NXN: variants seen among roughly 807,000 people sequenced by gnomAD.
NXN encodes the protein nucleoredoxin 1.
A neutral mutation model predicts 48.6 loss-of-function variants in NXN; 16 were observed. The ratio of observed to expected loss-of-function variants is 0.33; its 90% CI spans 0.22 to 0.50. NXN has a LOEUF of 0.50. Ranked by LOEUF, NXN falls within the 20% of genes least tolerant of loss-of-function variation. NXN has a pLI of 0.98. For missense variants in NXN, 492 were observed against 605.5 expected, an observed-to-expected ratio of 0.81 and a Z score of 1.97; for synonymous variants, 281 against 269.6, an observed-to-expected ratio of 1.04 and a Z score of -0.41.
At chr17:884,834 T>C (rs1007971950) in intron 1 of NXN, among the ~76,000 whole-genome samples, 3 of 152,228 alleles carry the variant, frequency 2.0e-5, no homozygotes, top group Admixed American at 2.0e-4. Flanking sequence ...ATAAAACATG[T>C]TTCTAGAATG....
intron 1 of NXN, among the ~76,000 whole-genome samples, chr17:970,108 G>A (rs1341580882): frequency 1.3e-5 from 2 of 152,108 alleles, no homozygotes; most frequent in East Asian, 1.9e-4. Context: ...AGTTATGACC[G>A]GCAAGCCGCA....
intron 5 of NXN, among the ~76,000 whole-genome samples, chr17:816,455 G>A (rs530265823): frequency 3.9e-5 from 6 of 152,038 alleles, no homozygotes; most frequent in Non-Finnish European, 5.9e-5. Context: ...CTGCACGTGC[G>A]GTTCCGTCTG....
Position 849,836 on chromosome 17 carries a change from A to G in NXN, c.361-23758T>C, listed in dbSNP as rs2067904857. Among the ~76,000 whole-genome samples the G allele has an allele frequency of 6.6e-6, 1 of 152,138 alleles. No homozygotes were observed. The highest frequency in any genetic ancestry group is 1.5e-5 in the Non-Finnish European group (1 of 68,034). On this transcript the variant is annotated intron_variant, in intron 1 of 7. Coordinates refer to ENST00000336868, the MANE Select transcript of NXN (RefSeq NM_022463.5). This position sits in a 1 kb window ranked among gnomAD's most constrained non-coding sequence, Gnocchi z 4.2. The stretch of plus-strand genomic sequence containing the variant: ...CAGCAGAGAGAAATGGAGCTGACGG[A>G]GAGGAGGACAGATAAGGAGGGGCAG...
chr17:844,620 T>C (rs567147650), intron 1 of NXN, among the ~76,000 whole-genome samples: 173 of 152,288 alleles, frequency 1.1e-3, no homozygotes, highest in Non-Finnish European at 2.0e-3. Flanking sequence ...AGTCTCCTTC[T>C]GTCACCCAGG....
chr17:809,274 T>C (rs1259168939), intron 5 of NXN, among the ~76,000 whole-genome samples: 1 of 152,228 alleles, frequency 6.6e-6, no homozygotes, highest in East Asian at 1.9e-4. Flanking sequence ...CTGAGTCCCC[T>C]GCTCTGTGAC....
Position 898,850 on chromosome 17 carries a change from A to G in NXN, c.361-72772T>C, listed in dbSNP as rs1429530123. On this transcript the variant is annotated intron_variant, in intron 1 of 7. Coordinates refer to ENST00000336868, the MANE Select transcript of NXN (RefSeq NM_022463.5). ...TGGGTGACAAAACAGACTGTCTCAA[A>G]AAAACAAAAACAAAACAAAAAAACT... is the stretch of plus-strand genomic sequence containing the variant. Among the ~76,000 whole-genome samples the G allele has an allele frequency of 1.1e-4, 8 of 71,464 alleles. 4 individuals are homozygous for G. 46.9% of individuals were successfully genotyped at this position (71,464 alleles called of 152,430 possible).
intron 1 of NXN, among the ~76,000 whole-genome samples, chr17:975,385 G>C (rs1445756656): frequency 6.6e-6 from 1 of 152,212 alleles, no homozygotes; most frequent in Non-Finnish European, 1.5e-5. Context: ...AGCTGGAGTT[G>C]TAAGAATGTT....
At chr17:948,406 C>T (rs918409776) in intron 1 of NXN, among the ~76,000 whole-genome samples, 2 of 152,008 alleles carry the variant, frequency 1.3e-5, no homozygotes, top group African/African-American at 4.8e-5. Context: ...GAGATGTACA[C>T]GGGTTATATG....
chr17:906,023 C>A (rs545031920), intron 1 of NXN, among the ~76,000 whole-genome samples: 34 of 151,518 alleles, frequency 2.2e-4, no homozygotes, highest in African/African-American at 8.2e-4. Flanking sequence ...TGAAGTTAAT[C>A]TTAATATATT....
At chr17:876,247 G>A (rs1409400036) in intron 1 of NXN, among the ~76,000 whole-genome samples, 4 of 150,444 alleles carry the variant, frequency 2.7e-5, no homozygotes, top group Admixed American at 2.6e-4. Context: ...GAGAAGAGAA[G>A]AGAAGAAAAG....
intron 6 of NXN, among the ~76,000 whole-genome samples, chr17:804,328 G>A (rs1322089334): frequency 1.4e-5 from 2 of 145,298 alleles, no homozygotes; most frequent in African/African-American, 5.2e-5. Flanking sequence ...TGTTGCCCAG[G>A]CTGGAGTGCA....
rs573770367 is a variant in NXN at position 803,879 on chromosome 17, G to A, written c.1001-73C>T. 50 of 1,591,364 alleles carry A rather than the reference G, an allele frequency of 3.1e-5. 1 individual carries two copies. The South Asian group carries it at 3.7e-4, about 12-fold the overall frequency. ...CTTGTCAAACAGAGCGGCACCCGCC[G>A]AGGGGGCCTGAGCTGCAGAAACGCC... On this transcript the variant is annotated intron_variant, in intron 6 of 7. Transcript: ENST00000336868.
chr17:812,522 C>T (rs1912130000), intron 5 of NXN, among the ~76,000 whole-genome samples: 1 of 152,160 alleles, frequency 6.6e-6, no homozygotes, highest in South Asian at 2.1e-4. Flanking sequence ...GATGTGCAGA[C>T]CAGACACTCC....
At chr17:803,847 G>C (rs1187549497) in intron 6 of NXN, 41 bp from the exon 7 acceptor site, 6 of 1,611,248 alleles carry the variant, frequency 3.7e-6, no homozygotes, top group Non-Finnish European at 5.1e-6. Context: ...GGGAGAAAAA[G>C]CACTGGCTTG....
chr17:934,811 G>T (rs8082437), intron 1 of NXN, among the ~76,000 whole-genome samples: 44,147 of 151,106 alleles, frequency 0.29, 6,853 homozygotes, highest in South Asian at 0.37. Context: ...GAGGCGGAGG[G>T]TGCAGTGAGC....
At chr17:853,189 C>G (rs987670695) in intron 1 of NXN, among the ~76,000 whole-genome samples, 4 of 152,124 alleles carry the variant, frequency 2.6e-5, no homozygotes, top group African/African-American at 4.8e-5. Flanking sequence ...CGGTGGCTCA[C>G]GCCTGGAATC....
At chr17:943,872 AT>A (rs1174796131) in intron 1 of NXN, among the ~76,000 whole-genome samples, 1 of 151,964 alleles carries the variant, frequency 6.6e-6, no homozygotes, top group Non-Finnish European at 1.5e-5. Context: ...TGTTATGTAT[AT>A]TCTACCACAA....
chr17:936,606 C>A (rs2068910480), intron 1 of NXN, among the ~76,000 whole-genome samples: 1 of 151,248 alleles, frequency 6.6e-6, no homozygotes, highest in African/African-American at 2.4e-5. Flanking sequence ...TGTCGGCCTG[C>A]CTCAGGTCTG....
rs149564556 is a variant in NXN at position 823,671 on chromosome 17, C to T, written c.573G>A (p.Leu191=). 1.1e-4 allele frequency: 170 copies of T among 1,614,040 alleles called. No homozygotes were observed. The East Asian group carries it at 1.8e-3, about 17-fold the overall frequency. The change falls in exon 3 of 8, where the codon CTG becomes CTA. Residue 191 remains leucine, a synonymous_variant. Transcript: ENST00000336868. ...NNGQSLESSS[L]EGSHVGVYFS... ...AATAGACGCCCACGTGAGACCCCTC[C>T]AGGCTGCTGCTCTCCAGAGACTGCC... is the stretch of plus-strand genomic sequence containing the variant.
Sources: gnomAD v4.1 joint callset for allele counts (sites outside exome capture counted in the v4.1 genomes callset) on GRCh38, gnomAD v4.1.1 for gene constraint, Gnocchi (gnomAD v3.1) non-coding constraint, MANE v1.5 for transcripts, NCBI Gene and HGNC (gene_info 2026-07-23, HGNC 2026-07-21) for gene names.